TSHR: variants seen among roughly 807,000 people sequenced by gnomAD.
TSHR encodes the protein thyrotropin receptor.
A neutral mutation model predicts 64.1 loss-of-function variants in TSHR; 51 were observed. The ratio of observed to expected loss-of-function variants is 0.80; its 90% confidence interval spans 0.64 to 1.01. TSHR has a LOEUF of 1.01. TSHR is among the 50% of genes least tolerant of loss of function. The pLI, the probability that TSHR is intolerant of heterozygous loss-of-function variation, is 0.00. For missense variants in TSHR, 877 were observed against 942.8 expected (o/e 0.93, Z 0.91); for synonymous variants, 361 against 361.9 (o/e 1.00, Z 0.03).
intron 4 of TSHR, among the ~76,000 whole-genome samples, chr14:81,090,841 T>C (rs1888674066): frequency 1.3e-5 from 2 of 152,196 alleles, no homozygotes; most frequent in African/African-American, 2.4e-5. Context: ...AGCAGATGTA[T>C]TGACACCAGT....
chr14:81,143,840 C>T lies in TSHR; in HGVS notation c.1782C>T (p.Phe594=), dbSNP rs780449450. The T allele has an allele frequency of 1.2e-5, 19 of 1,613,934 alleles. 1 individual carries two copies. In the South Asian group the frequency reaches 1.5e-4, roughly 13 times the overall value. The change falls in exon 10 of 10, where the codon TTC becomes TTT. Residue 594 remains phenylalanine (F), a synonymous_variant. Transcript: ENST00000298171. ...VFVLTLNIVA[F]VIVCCCYVKI... Reference sequence around the variant, plus strand: ...TTCTGACGCTCAACATAGTTGCCTTCGTCATCGTCTGCTGCTGTTATGTGA... The same window carrying T: ...TTCTGACGCTCAACATAGTTGCCTTTGTCATCGTCTGCTGCTGTTATGTGA...
Position 80,969,455 on chromosome 14 carries a change from A to C in TSHR, c.170+13605A>C, listed in dbSNP as rs1404786839. ...ATCATGAGGTTTTAAATGAATTACT[A>C]TTTCTTACAGGGTGGAAATGGTCCA... On this transcript the variant is annotated intron_variant, in intron 1 of 9. Coordinates refer to ENST00000298171, the MANE Select transcript of TSHR (RefSeq NM_000369.5). Among the ~76,000 whole-genome samples, 2 of 152,208 alleles carry C rather than the reference A, an allele frequency of 1.3e-5. 1 individual carries two copies. Among genetic ancestry groups the C allele is most frequent in the East Asian group, 3.8e-4 (2 of 5,196 alleles).
intron 6 of TSHR, 111 bp downstream of exon 6, chr14:81,092,719 G>A: frequency 2.1e-6 from 2 of 966,250 alleles, no homozygotes; most frequent in South Asian, 2.6e-5. Flanking sequence ...ATACTCTATA[G>A]AGTACAAAGT....
chr14:81,023,729 G>T (rs1395881483), intron 1 of TSHR, among the ~76,000 whole-genome samples: 3 of 152,176 alleles, frequency 2.0e-5, no homozygotes, highest in Non-Finnish European at 4.4e-5. Flanking sequence ...TTGGCAGGTG[G>T]TGTTTAACTT....
rs559209529 is a variant in TSHR at position 81,044,637 on chromosome 14, G to A, written c.171-17511G>A. 2.8e-4 allele frequency among the ~76,000 whole-genome samples: 38 copies of A among 134,162 alleles called. 1 individual carries two copies. Among genetic ancestry groups the A allele is most frequent in the African/African-American group, 7.2e-4 (25 of 34,496 alleles). 88.0% of individuals were successfully genotyped at this position (134,162 alleles called of 152,430 possible). On this transcript the variant is annotated intron_variant, in intron 1 of 9. Transcript: ENST00000298171. ...TGCGCCACTGCACTCCAGCCTGGGC[G>A]ACAGAGCAAGACTCTGTCTCAAAAA...
At chr14:81,123,620 G>A (rs1228327945) in intron 8 of TSHR, among the ~76,000 whole-genome samples, 1 of 152,126 alleles carries the variant, frequency 6.6e-6, no homozygotes. Flanking sequence ...ATATATTTCT[G>A]CCTTATAAAG....
chr14:81,013,915 G>A (rs1165198164), intron 1 of TSHR: 1 of 152,186 alleles, frequency 6.6e-6, no homozygotes, highest in Non-Finnish European at 1.5e-5. Flanking sequence ...ACCTTATGGG[G>A]TGATGGGATT....
intron 7 of TSHR, chr14:81,104,678 G>T (rs1889783529): frequency 1.0e-5 from 10 of 985,294 alleles, no homozygotes; most frequent in Non-Finnish European, 1.1e-5. Flanking sequence ...TACTGAGTTT[G>T]TCAATCGAAT....
chr14:81,140,197 A>T (rs72691639), intron 9 of TSHR, among the ~76,000 whole-genome samples: 3 of 152,320 alleles, frequency 2.0e-5, no homozygotes, highest in Non-Finnish European at 4.4e-5. Flanking sequence ...AGAATTAGAT[A>T]CTGCAACACA....
rs377424991 is a variant in TSHR at position 81,143,223 on chromosome 14, A to G, written c.1165A>G (p.Ile389Val). The stretch of plus-strand genomic sequence containing the variant: ...TTTTGACAGCCATTATGACTACACC[A>G]TATGTGGGGACAGTGAAGACATGGT... ...QAFDSHYDYT[I>V]CGDSEDMVCT... The change falls in exon 10 of 10, where the codon ATA becomes GTA. Residue 389 changes from isoleucine (I) to valine (V), a missense_variant. By Grantham distance (29) the Ile-to-Val change is conservative. Coordinates refer to ENST00000298171, the MANE Select transcript of TSHR (RefSeq NM_000369.5). The G allele has an allele frequency of 3.7e-6, 6 of 1,614,014 alleles. No homozygotes were observed. In the African/African-American group the frequency reaches 8.0e-5, roughly 22 times the overall value.
chr14:81,134,898 G>T (rs772259595), intron 8 of TSHR, among the ~76,000 whole-genome samples: 3 of 152,058 alleles, frequency 2.0e-5, no homozygotes, highest in Non-Finnish European at 4.4e-5. Flanking sequence ...TCCTATCAAG[G>T]TACACCTTCA....
rs377691369 is a variant in TSHR, at chr14:81,130,874, C to G, written c.693-8805C>G. Among the ~76,000 whole-genome samples the G allele has an allele frequency of 1.9e-4, 24 of 128,390 alleles. 6 individuals carry two copies. Among genetic ancestry groups the G allele is most frequent in the Admixed American group, 7.8e-4 (11 of 14,148 alleles). The allele number at this position is 128,390 out of a possible 152,430, so 84.2% of individuals were successfully genotyped here. On this transcript the variant is annotated intron_variant, in intron 8 of 9. Coordinates refer to ENST00000298171, the MANE Select transcript of TSHR (RefSeq NM_000369.5). ...GGCGCGGTGGCGGGTGCCTGTAGTC[C>G]CAGCTACTCGGGAGGCTGAGGCAGG...
rs1315206666 is a variant in TSHR at position 81,143,721 on chromosome 14, C to T, written c.1663C>T (p.Leu555Phe). 6.2e-7 allele frequency: 1 copy of T among 1,614,196 alleles called. No individual in the cohort carries two copies. Among genetic ancestry groups the T allele is most frequent in the Admixed American group, 1.7e-5 (1 of 60,030 alleles). ...GGTTTGCTGCTTCCTTCTCGCCCTGCTTCCTTTGGTGGGAATAAGTAGCTA... is the reference window on the plus strand; with the variant it reads ...GGTTTGCTGCTTCCTTCTCGCCCTGTTTCCTTTGGTGGGAATAAGTAGCTA... ...GWVCCFLLAL[L>F]PLVGISSYAK... Residue 555 changes from leucine (L) to phenylalanine (F), a missense_variant, in exon 10 of 10, where the codon CTT becomes TTT. Leu to Phe is a conservative substitution (Grantham distance 22, BLOSUM62 0). Transcript: ENST00000298171.
Position 81,020,493 on chromosome 14 carries a change from A to G in TSHR, c.171-41655A>G, listed in dbSNP as rs140979230. 2.5e-3 allele frequency among the ~76,000 whole-genome samples: 382 copies of G among 152,308 alleles called. 3 individuals are homozygous for G. Among genetic ancestry groups the G allele is most frequent in the African/African-American group, 9.0e-3 (374 of 41,572 alleles). Reference sequence around the variant, plus strand: ...AAGTGAACCCTATTGTGAACTGCACATGCGAGGGACCTAGACTGCGTGTTC... The same window carrying G: ...AAGTGAACCCTATTGTGAACTGCACGTGCGAGGGACCTAGACTGCGTGTTC... On this transcript the variant is annotated intron_variant, in intron 1 of 9. Coordinates refer to ENST00000298171, the MANE Select transcript of TSHR (RefSeq NM_000369.5).
chr14:81,075,294 G>C (rs1244920962), intron 3 of TSHR, among the ~76,000 whole-genome samples: 1 of 152,148 alleles, frequency 6.6e-6, no homozygotes, highest in East Asian at 1.9e-4. Flanking sequence ...AAGTCTCTCT[G>C]AACCTATTCT....
At chr14:81,112,198 C>T (rs554922352) in intron 8 of TSHR, among the ~76,000 whole-genome samples, 10 of 151,986 alleles carry the variant, frequency 6.6e-5, no homozygotes, top group African/African-American at 2.4e-4. Flanking sequence ...TCTCATCTGT[C>T]GAAACAGGAT....
intron 8 of TSHR, among the ~76,000 whole-genome samples, chr14:81,135,580 T>TG (rs991833524): frequency 6.6e-6 from 1 of 151,674 alleles, no homozygotes; most frequent in Non-Finnish European, 1.5e-5. Flanking sequence ...CTGATTGGGG[T>TG]GGGGGGTTCT....
chr14:80,971,575 G>T (rs1020322313), intron 1 of TSHR, among the ~76,000 whole-genome samples: 2 of 152,196 alleles, frequency 1.3e-5, no homozygotes, highest in African/African-American at 4.8e-5. Flanking sequence ...TTGTTAAAGT[G>T]CATTGTCATT....
rs530805721 is a variant in TSHR, at chr14:80,991,621, A to C, written c.170+35771A>C. 13 of 398,596 alleles carry C rather than the reference A, an allele frequency of 3.3e-5. No homozygotes were observed. The South Asian group carries it at 1.5e-3, about 47-fold the overall frequency. The allele number at this position is 398,596 out of a possible 1,614,324, so 24.7% of individuals were successfully genotyped here. ...GAAGGAGACATTTTAAATCCCAGTCAAGAGGAAAGAAAGAGTTGATGGCTA... is the reference window on the plus strand; with the variant it reads ...GAAGGAGACATTTTAAATCCCAGTCCAGAGGAAAGAAAGAGTTGATGGCTA... On this transcript the variant is annotated intron_variant, in intron 1 of 9. Transcript: ENST00000298171.
Sources: allele counts gnomAD v4.1 joint callset (sites outside exome capture counted in the v4.1 genomes callset), GRCh38; gene constraint gnomAD v4.1.1; transcripts MANE v1.5; gene names NCBI Gene and HGNC (gene_info 2026-07-23, HGNC 2026-07-21).